SPOP: variants seen among roughly 807,000 people sequenced by gnomAD.
SPOP encodes the protein speckle type BTB/POZ protein.
Under a neutral mutation model 45.6 loss-of-function variants are expected in SPOP, and 11 were observed. The ratio of observed to expected loss-of-function variants is 0.24; its 90% CI spans 0.15 to 0.40. The LOEUF (loss-of-function observed/expected upper bound fraction) is 0.40, where lower values mean the gene tolerates loss of function less well. SPOP is among the 10% of genes least tolerant of loss of function. The pLI is 1.00. For missense variants in SPOP, 152 were observed against 465.6 expected, an observed-to-expected ratio of 0.33 and a Z score of 6.20; for synonymous variants, 166 against 166.3, an observed-to-expected ratio of 1.00 and a Z score of 0.01.
intron 1 of SPOP, among the ~76,000 whole-genome samples, chr17:49,664,558 T>C (rs2073028472): frequency 2.6e-5 from 4 of 152,204 alleles, no homozygotes; most frequent in African/African-American, 7.2e-5. Flanking sequence ...AAAAGCTCTT[T>C]AGGGTCCTCA....
chr17:49,662,049 G>A (rs1597979116), intron 1 of SPOP, among the ~76,000 whole-genome samples: 3 of 151,854 alleles, frequency 2.0e-5, no homozygotes, highest in Admixed American at 2.0e-4. Context: ...TAAATTTTTG[G>A]GGGTAGGGAG....
chr17:49,604,216 T>G (rs16948287), intron 8 of SPOP, among the ~76,000 whole-genome samples: 4,335 of 152,322 alleles, frequency 0.028, 203 homozygotes, highest in African/African-American at 0.098. Context: ...TTCCCAGAGC[T>G]TGCAGTGAAT....
intron 9 of SPOP, chr17:49,601,657 G>A (rs920322346): frequency 1.6e-5 from 9 of 555,334 alleles, no homozygotes; most frequent in Admixed American, 6.7e-5. Context: ...GATTCACTAT[G>A]AGGAAGTAAA....
At chr17:49,624,944 T>C (rs1279345221) in intron 1 of SPOP, among the ~76,000 whole-genome samples, 1 of 151,812 alleles carries the variant, frequency 6.6e-6, no homozygotes, top group Non-Finnish European at 1.5e-5. Flanking sequence ...TCTAGTACAG[T>C]GGAAAATACA....
Position 49,619,476 on chromosome 17 carries a change from A to G in SPOP, c.201-91T>C, listed in dbSNP as rs2072172875. ...CTCAAGAGAGGGAGATGTTTAAAAA[A>G]CAAATGCAGGCCCCATAGAAGAATA... On this transcript the variant is annotated intron_variant, in intron 3 of 9. Transcript: ENST00000504102. This position sits in a 1 kb window ranked among gnomAD's most constrained non-coding sequence, Gnocchi z 4.9. 2 of 1,352,648 alleles carry G rather than the reference A, an allele frequency of 1.5e-6. No homozygotes were observed. Among genetic ancestry groups the G allele is most frequent in the South Asian group, 2.9e-5 (2 of 70,020 alleles). The allele number at this position is 1,352,648 out of a possible 1,614,324, so 83.8% of individuals were successfully genotyped here.
intron 1 of SPOP, among the ~76,000 whole-genome samples, chr17:49,626,025 T>C (rs1300379582): frequency 6.6e-6 from 1 of 152,248 alleles, no homozygotes; most frequent in Non-Finnish European, 1.5e-5. Flanking sequence ...ATTGGAGCAA[T>C]TGTGTAAGGA....
At chr17:49,652,149 T>C (rs2072851579) in intron 1 of SPOP, among the ~76,000 whole-genome samples, 1 of 152,202 alleles carries the variant, frequency 6.6e-6, no homozygotes, top group South Asian at 2.1e-4. Context: ...AAGGAAATGT[T>C]CATTAGAGCA....
chr17:49,635,383 T>TA (rs1161514440), intron 1 of SPOP, among the ~76,000 whole-genome samples: 1 of 152,284 alleles, frequency 6.6e-6, no homozygotes, highest in East Asian at 1.9e-4. Context: ...TTTAAAAGAT[T>TA]AAAATGCAAT....
At chr17:49,622,902 A>G (rs1033445654) in intron 1 of SPOP, 26 bp from the exon 2 acceptor site, 1 of 1,024,448 alleles carries the variant, frequency 9.8e-7, no homozygotes. Context: ...AAGCAAGAAA[A>G]CTTTATTAGA....
At chr17:49,676,106 T>C (rs2073195445) in intron 1 of SPOP, 1 of 152,176 alleles carries the variant, frequency 6.6e-6, no homozygotes, top group South Asian at 2.1e-4. Context: ...ATAGTTTCAC[T>C]TCTAGATACT....
At chr17:49,652,037 A>G (rs1199510129) in intron 1 of SPOP, among the ~76,000 whole-genome samples, 1 of 152,064 alleles carries the variant, frequency 6.6e-6, no homozygotes, top group Non-Finnish European at 1.5e-5. Flanking sequence ...AATTGGAAGA[A>G]TAAGTTTTCC....
intron 5 of SPOP, among the ~76,000 whole-genome samples, chr17:49,611,871 A>G (rs1239775308): frequency 7.2e-6 from 1 of 139,554 alleles, no homozygotes; most frequent in Non-Finnish European, 1.5e-5. Flanking sequence ...AACTCTAGAG[A>G]CAAGAATCTG....
intron 1 of SPOP, among the ~76,000 whole-genome samples, chr17:49,643,481 A>T (rs1028402077): frequency 6.6e-6 from 1 of 152,250 alleles, no homozygotes; most frequent in Non-Finnish European, 1.5e-5. Flanking sequence ...AGGTGAAGAC[A>T]TATTTTTTAA....
chr17:49,637,165 CAG>C (rs1355360427), intron 1 of SPOP, among the ~76,000 whole-genome samples: 1 of 151,908 alleles, frequency 6.6e-6, no homozygotes, highest in Admixed American at 6.6e-5. Context: ...CAGGGCAGGG[CAG>C]AGATTCCGGT....
intron 1 of SPOP, among the ~76,000 whole-genome samples, chr17:49,631,731 T>G (rs1366039296): frequency 1.3e-5 from 2 of 152,208 alleles, no homozygotes; most frequent in African/African-American, 4.8e-5. Flanking sequence ...GCTTTAACTC[T>G]AATCCACAAA....
rs1363708608 is a variant in SPOP at position 49,622,131 on chromosome 17, G to A, written c.79-64C>T. The A allele has an allele frequency of 2.0e-5, 32 of 1,581,704 alleles. No homozygotes were observed. In the Admixed American group the frequency reaches 5.3e-4, roughly 26 times the overall value. On this transcript the variant is annotated intron_variant, in intron 2 of 9. Coordinates refer to ENST00000504102, the MANE Select transcript of SPOP (RefSeq NM_001007228.2). ...GGACAACCTGAAAAAACAGGATGAA[G>A]GGCAGATTATCATTTCCCCTCCCTC...
At chr17:49,614,652 T>C (rs1356780441) in intron 5 of SPOP, among the ~76,000 whole-genome samples, 1 of 152,148 alleles carries the variant, frequency 6.6e-6, no homozygotes, top group Admixed American at 6.5e-5. Flanking sequence ...TGAATCACCA[T>C]TTGTGTAGGT....
At chr17:49,622,974 A>T in intron 1 of SPOP, 98 bp from the exon 2 acceptor site, 2 of 605,546 alleles carry the variant, frequency 3.3e-6, no homozygotes, top group Non-Finnish European at 5.7e-6. Context: ...TTGTCTCCAC[A>T]TTGTTTGAGT....
At chr17:49,658,243 A>G (rs766497608) in intron 1 of SPOP, among the ~76,000 whole-genome samples, 3 of 152,222 alleles carry the variant, frequency 2.0e-5, no homozygotes, top group Admixed American at 6.5e-5. Context: ...GAAATGCCCA[A>G]TAAGATGTTC....
Sources: allele counts gnomAD v4.1 joint callset (sites outside exome capture counted in the v4.1 genomes callset), GRCh38; gene constraint gnomAD v4.1.1; non-coding constraint Gnocchi (gnomAD v3.1); transcripts MANE v1.5; gene names NCBI Gene and HGNC (gene_info 2026-07-23, HGNC 2026-07-21).